Variants in SHC4 observed in about 807,000 individuals in gnomAD.
SHC4 encodes SHC-transforming protein 4.
In SHC4, 41 loss-of-function variants were observed where a neutral mutation model predicts 69.4. The ratio of observed to expected loss-of-function variants is 0.59; its 90% CI spans 0.46 to 0.77. The LOEUF (loss-of-function observed/expected upper bound fraction) is 0.77, where lower values mean the gene tolerates loss of function less well. Ranked by LOEUF, SHC4 falls within the 30% of genes least tolerant of loss-of-function variation. The pLI is 0.00. For missense variants in SHC4, 777 were observed against 783.8 expected, an observed-to-expected ratio of 0.99 and a Z score of 0.10; for synonymous variants, 318 against 299.3, an observed-to-expected ratio of 1.06 and a Z score of -0.64.
At chr15:48,930,589 A>G (rs1430679869) in intron 1 of SHC4, among the ~76,000 whole-genome samples, 1 of 152,228 alleles carries the variant, frequency 6.6e-6, no homozygotes, top group Non-Finnish European at 1.5e-5. Context: ...GTCAGCTACA[A>G]TCGTGCCATT....
At chr15:48,892,250 A>G (rs919824675) in intron 2 of SHC4, among the ~76,000 whole-genome samples, 4 of 152,174 alleles carry the variant, frequency 2.6e-5, no homozygotes, top group African/African-American at 9.7e-5. Context: ...AGAATTCCCA[A>G]AGATTCTAGG....
At chr15:48,859,871 G>C (rs998865979) in intron 6 of SHC4, among the ~76,000 whole-genome samples, 2 of 152,174 alleles carry the variant, frequency 1.3e-5, no homozygotes, top group African/African-American at 4.8e-5. Flanking sequence ...GCCATGAGAA[G>C]CTGTGTTACA....
chr15:48,892,890 T>C (rs1486859511), intron 2 of SHC4, among the ~76,000 whole-genome samples: 1 of 149,844 alleles, frequency 6.7e-6, no homozygotes, highest in Non-Finnish European at 1.5e-5. Context: ...AAGTTGACTA[T>C]AAATGATATG....
chr15:48,952,635 T>C (rs1901384238), intron 1 of SHC4, among the ~76,000 whole-genome samples: 1 of 152,176 alleles, frequency 6.6e-6, no homozygotes. Flanking sequence ...CAGACACTTC[T>C]CGAAAGAAGA....
intron 1 of SHC4, among the ~76,000 whole-genome samples, chr15:48,934,930 G>A (rs1164689134): frequency 6.6e-6 from 1 of 152,160 alleles, no homozygotes; most frequent in Non-Finnish European, 1.5e-5. Flanking sequence ...TGTGGTTTTT[G>A]GGGAATGGAG....
chr15:48,962,416 G>C lies in SHC4; in HGVS notation c.585+15C>G. On this transcript the variant is annotated intron_variant, in intron 1 of 11. Transcript: ENST00000332408. ...CACGGAAGTTCTTAGAGGGCAGAGA[G>C]GAAAATGGACTTACCCTCACACAGT... The C allele has an allele frequency of 6.6e-7, 1 of 1,513,128 alleles. No homozygotes were observed. The highest frequency in any genetic ancestry group is 1.8e-4 in the Middle Eastern group (1 of 5,582). The allele number at this position is 1,513,128 out of a possible 1,614,324, so 93.7% of individuals were successfully genotyped here.
chr15:48,871,759 T>C (rs1899682178), intron 5 of SHC4, among the ~76,000 whole-genome samples: 1 of 152,198 alleles, frequency 6.6e-6, no homozygotes, highest in African/African-American at 2.4e-5. Flanking sequence ...GAGCAACACA[T>C]GTATGACATA....
At chr15:48,922,602 C>A (rs1156420493) in intron 2 of SHC4, among the ~76,000 whole-genome samples, 1 of 152,158 alleles carries the variant, frequency 6.6e-6, no homozygotes, top group Non-Finnish European at 1.5e-5. Flanking sequence ...ATGAATTAAT[C>A]CCCTCCTAAA....
At chr15:48,902,347 G>A (rs946742838) in intron 2 of SHC4, among the ~76,000 whole-genome samples, 6 of 152,066 alleles carry the variant, frequency 3.9e-5, no homozygotes, top group South Asian at 2.1e-4. Flanking sequence ...GTATAGTAAC[G>A]GATGGTATAA....
At chr15:48,948,198 G>GT (rs1430921977) in intron 1 of SHC4, among the ~76,000 whole-genome samples, 12 of 152,316 alleles carry the variant, frequency 7.9e-5, no homozygotes, top group African/African-American at 2.9e-4. Context: ...CATTTTGAGA[G>GT]TAAGTACAAC....
At position 48,825,972 on chromosome 15, in the gene SHC4, C is replaced by A. The variant is rs1278018580; in HGVS notation, c.1892G>T (p.Ter631LeuextTer3). Residue 631 changes from the stop codon to leucine, a stop_lost, in exon 12 of 12, where the codon TGA becomes TTA. Coordinates refer to ENST00000332408, the MANE Select transcript of SHC4 (RefSeq NM_203349.4). ...CAGTGTGATGGTGCTTCAATACTGTCATTTGTTGGAATGCAAAAGTGCTGG... is the reference window on the plus strand; with the variant it reads ...CAGTGTGATGGTGCTTCAATACTGTAATTTGTTGGAATGCAAAAGTGCTGG... ...NNPALLHSNK[*>L] 1 of 1,612,992 alleles carries A rather than the reference C, an allele frequency of 6.2e-7. No homozygotes were observed. Among genetic ancestry groups the A allele is most frequent in the East Asian group, 2.2e-5 (1 of 44,820 alleles).
chr15:48,908,982 G>A (rs918062511), intron 2 of SHC4, among the ~76,000 whole-genome samples: 2 of 152,186 alleles, frequency 1.3e-5, no homozygotes, highest in African/African-American at 4.8e-5. Context: ...CAAGTAATGT[G>A]ATGCCTCCAG....
At chr15:48,839,626 G>A (rs1331433174) in intron 10 of SHC4, among the ~76,000 whole-genome samples, 1 of 152,164 alleles carries the variant, frequency 6.6e-6, no homozygotes, top group Non-Finnish European at 1.5e-5. Context: ...GTCCCACACT[G>A]TTGCATTCCT....
intron 2 of SHC4, among the ~76,000 whole-genome samples, chr15:48,894,489 G>T (rs1900189083): frequency 6.6e-6 from 1 of 152,128 alleles, no homozygotes; most frequent in Non-Finnish European, 1.5e-5. Context: ...CAATGGAGAG[G>T]TGACACCCAT....
At chr15:48,902,552 T>C (rs1900336523) in intron 2 of SHC4, among the ~76,000 whole-genome samples, 1 of 152,170 alleles carries the variant, frequency 6.6e-6, no homozygotes, top group African/African-American at 2.4e-5. Context: ...CTCCAGTTGC[T>C]GGGATGCTCA....
At chr15:48,864,518 G>A (rs1310092252) in intron 6 of SHC4, among the ~76,000 whole-genome samples, 1 of 132,482 alleles carries the variant, frequency 7.5e-6, no homozygotes. Context: ...CGTGATCTTG[G>A]CTCACTGCAA....
chr15:48,962,561 C>G lies in SHC4; in HGVS notation c.455G>C (p.Gly152Ala). The change falls in exon 1 of 12, where the codon GGA becomes GCA. Residue 152 changes from glycine to alanine, a missense_variant. Gly to Ala is a moderately conservative substitution (Grantham distance 60, BLOSUM62 0). Coordinates refer to ENST00000332408, the MANE Select transcript of SHC4 (RefSeq NM_203349.4). Reference protein sequence around the residue: ...TAPPPQQDLVGHRATALTPDS... With the variant: ...TAPPPQQDLVAHRATALTPDS... ...AGGGGTTAGGGCGGTTGCCCTGTGT[C>G]CCACCAGGTCCTGCTGCGGTGGAGG... is the stretch of plus-strand genomic sequence containing the variant. The G allele has an allele frequency of 6.2e-7, 1 of 1,610,332 alleles. No homozygotes were observed. Among genetic ancestry groups the G allele is most frequent in the South Asian group, 1.1e-5 (1 of 90,610 alleles).
chr15:48,877,339 T>C (rs1567059168), intron 4 of SHC4: 2 of 700,084 alleles, frequency 2.9e-6, no homozygotes, highest in African/African-American at 3.9e-5. Flanking sequence ...ATAACTATAA[T>C]GTAATAATAA....
At chr15:48,906,085 A>G (rs1347639206) in intron 2 of SHC4, among the ~76,000 whole-genome samples, 1 of 152,200 alleles carries the variant, frequency 6.6e-6, no homozygotes, top group Non-Finnish European at 1.5e-5. Flanking sequence ...ACTATTTTAT[A>G]TACCTCTATA....
Sources: allele counts gnomAD v4.1 joint callset (sites outside exome capture counted in the v4.1 genomes callset), GRCh38; gene constraint gnomAD v4.1.1; transcripts MANE v1.5; gene names NCBI Gene and HGNC (gene_info 2026-07-23, HGNC 2026-07-21).